The following SMU1 variants were observed in gnomAD, a reference collection of about 807,000 sequenced individuals.
SMU1 encodes the protein SMU1 DNA replication regulator and spliceosomal factor.
Under a neutral mutation model 62.0 loss-of-function variants are expected in SMU1, and 2 were observed. That is an observed-to-expected ratio of 0.03 (90% CI 0.01 to 0.10). The LOEUF (loss-of-function observed/expected upper bound fraction) is 0.10, where lower values mean the gene tolerates loss of function less well. Ranked by LOEUF, SMU1 falls within the 10% of genes least tolerant of loss-of-function variation. The pLI is 1.00. For missense variants in SMU1, 227 were observed against 622.1 expected (o/e 0.36, Z 6.76); for synonymous variants, 188 against 212.4 (o/e 0.89, Z 1.00).
rs550521438 is a variant in SMU1, at chr9:33,046,324, T to C, written c.*969A>G. The stretch of plus-strand genomic sequence containing the variant: ...AAGATGGAGACAATATTCCCTGGAG[T>C]TGACTGAACATGTGAGAAGGCACAG... On this transcript the variant is annotated 3_prime_UTR_variant, in exon 12 of 12. Transcript: ENST00000397149. 5.9e-5 allele frequency: 9 copies of C among 152,004 alleles called. No individual in the cohort carries two copies. The highest frequency in any genetic ancestry group is 2.2e-4 in the African/African-American group (9 of 41,460). The allele number at this position is 152,004 out of a possible 1,614,324, so 9.4% of individuals were successfully genotyped here.
At chr9:33,048,073 T>C (rs771394107) in intron 11 of SMU1, 33 bp downstream of exon 11, 12 of 1,603,226 alleles carry the variant, frequency 7.5e-6, no homozygotes, top group Non-Finnish European at 8.5e-6. Flanking sequence ...TCCTACCATA[T>C]TTCTTTAGAT....
intron 3 of SMU1, among the ~76,000 whole-genome samples, 185 bp downstream of exon 3, chr9:33,071,555 A>G (rs989457648): frequency 2.6e-5 from 4 of 152,178 alleles, no homozygotes; most frequent in Admixed American, 2.0e-4. Context: ...AGAAAACTGA[A>G]CAAAATTATT....
chr9:33,074,416 TAAG>T (rs1839519465), intron 1 of SMU1, among the ~76,000 whole-genome samples: 1 of 150,826 alleles, frequency 6.6e-6, no homozygotes, highest in African/African-American at 2.4e-5. Flanking sequence ...ATGGGCAACA[TAAG>T]AAGACCCCTT....
At chr9:33,048,306 CT>C (rs752210349) in intron 10 of SMU1, 48 bp from the exon 11 acceptor site, 8 of 1,606,530 alleles carry the variant, frequency 5.0e-6, no homozygotes, top group Non-Finnish European at 6.8e-6. Context: ...TTAGTAGCAG[CT>C]CAACCATGTG....
At chr9:33,057,569 A>C (rs756247654) in intron 7 of SMU1, 29 bp downstream of exon 7, 1 of 1,611,912 alleles carries the variant, frequency 6.2e-7, no homozygotes, top group Non-Finnish European at 8.5e-7. Context: ...AAATGTCTAC[A>C]TATGAGAGGC....
At chr9:33,058,691 C>T (rs1028790427) in intron 6 of SMU1, among the ~76,000 whole-genome samples, 20 of 151,990 alleles carry the variant, frequency 1.3e-4, no homozygotes, top group Admixed American at 3.3e-4. Context: ...TGGATCTATA[C>T]CAACTTTATC....
In SMU1 at chr9:33,045,712, G is replaced by T; in HGVS notation, c.*1581C>A. 6.6e-6 allele frequency: 1 copy of T among 152,468 alleles called. No homozygotes were observed. 9.4% of individuals were successfully genotyped at this position (152,468 alleles called of 1,614,324 possible). A position where few individuals can be genotyped will look rare whatever the true frequency, so the allele number is the denominator to read the frequency against. On this transcript the variant is annotated 3_prime_UTR_variant, in exon 12 of 12. Transcript: ENST00000397149. ...ATACAAAAATTAGCCAGGCATGCTG[G>T]CATGCGCCTGTAGTCCCAGCTACTT...
In SMU1 at chr9:33,047,256, T is replaced by A. The variant is rs144916740; in HGVS notation, c.*37A>T. 7.7e-4 allele frequency: 1,112 copies of A among 1,440,608 alleles called. 9 individuals are homozygous for A. In the African/African-American group the frequency reaches 0.014, roughly 18 times the overall value. The allele number at this position is 1,440,608 out of a possible 1,614,324, so 89.2% of individuals were successfully genotyped here. A position where few individuals can be genotyped will look rare whatever the true frequency, so the allele number is the denominator to read the frequency against. ...ATTACATGAATATGCTTCATTTAAG[T>A]ACATGCTTTCGAGCTGATTTAAAAA... is the stretch of plus-strand genomic sequence containing the variant. On this transcript the variant is annotated 3_prime_UTR_variant, in exon 12 of 12. Transcript: ENST00000397149.
chr9:33,048,548 A>G (rs574222944), intron 10 of SMU1, among the ~76,000 whole-genome samples: 50 of 152,312 alleles, frequency 3.3e-4, no homozygotes, highest in African/African-American at 1.2e-3. Context: ...TCATTGCCAT[A>G]CAAAAAACAA....
intron 6 of SMU1, among the ~76,000 whole-genome samples, chr9:33,059,022 T>G (rs921818551): frequency 2.0e-5 from 3 of 152,122 alleles, no homozygotes; most frequent in African/African-American, 7.2e-5. Flanking sequence ...AAAAAAAAAT[T>G]TGTGGCTTTT....
chr9:33,054,904 A>C (rs911007047), intron 9 of SMU1, among the ~76,000 whole-genome samples: 14 of 152,232 alleles, frequency 9.2e-5, no homozygotes, highest in African/African-American at 3.4e-4. Flanking sequence ...GGTCAGTGAC[A>C]CGCTTTGCCC....
At chr9:33,060,396 G>A (rs1170344901) in intron 6 of SMU1, 69 bp downstream of exon 6, 15 of 1,313,240 alleles carry the variant, frequency 1.1e-5, no homozygotes, top group Non-Finnish European at 1.6e-5. Flanking sequence ...TGATTTAGAG[G>A]CCATAGGTAA....
chr9:33,047,401 G>A lies in SMU1; in HGVS notation c.1444-10C>T, dbSNP rs187089326. The A allele has an allele frequency of 8.7e-4, 1,394 of 1,610,176 alleles. 10 individuals carry two copies. The African/African-American group carries it at 0.016, about 18-fold the overall frequency. ...CATCCTTCTCGTGCACCTGGAACAT[G>A]TAAAGCACAGGGTTAGGATGTACAG... On this transcript the variant is annotated splice_polypyrimidine_tract_variant and intron_variant, in intron 11 of 11. Transcript: ENST00000397149.
At chr9:33,062,538 CA>C (rs1439162329) in intron 4 of SMU1, among the ~76,000 whole-genome samples, 1 of 152,182 alleles carries the variant, frequency 6.6e-6, no homozygotes, top group Admixed American at 6.5e-5. Flanking sequence ...CTTCCCCCCC[CA>C]CATATGTGTT....
chr9:33,071,902 TAAAAA>T lies in SMU1; in HGVS notation c.238-15_238-11del, dbSNP rs749153008. On this transcript the variant is annotated splice_polypyrimidine_tract_variant and intron_variant, in intron 2 of 11. Transcript: ENST00000397149. ...TCAATTCCAGAACAACCTGGACAAT[TAAAAA>T]AAAACAAAAAAAACCCCAGATGTTT... 3.5e-5 allele frequency: 52 copies of T among 1,490,906 alleles called. No homozygotes were observed. The highest frequency in any genetic ancestry group is 4.6e-5 in the Non-Finnish European group (52 of 1,122,374). The allele number at this position is 1,490,906 out of a possible 1,614,324, so 92.4% of individuals were successfully genotyped here.
intron 7 of SMU1, 42 bp from the exon 8 acceptor site, chr9:33,057,006 A>C (rs1268263245): frequency 1.9e-6 from 3 of 1,587,064 alleles, no homozygotes; most frequent in Admixed American, 1.8e-5. Context: ...AACCTTGTTA[A>C]GTGTCCTACT....
intron 4 of SMU1, among the ~76,000 whole-genome samples, chr9:33,066,389 C>A (rs1470698165): frequency 6.6e-6 from 1 of 151,748 alleles, no homozygotes; most frequent in Non-Finnish European, 1.5e-5. Context: ...ACTCAGTACT[C>A]CCACAAAATG....
intron 3 of SMU1, among the ~76,000 whole-genome samples, chr9:33,071,207 G>C (rs534473356): frequency 6.6e-6 from 1 of 151,750 alleles, no homozygotes; most frequent in Admixed American, 6.6e-5. Context: ...TAAAAGGCTG[G>C]GGGGGTGGGC....
chr9:33,075,561 A>G (rs1335396721), intron 1 of SMU1, among the ~76,000 whole-genome samples: 2 of 152,218 alleles, frequency 1.3e-5, no homozygotes, highest in African/African-American at 4.8e-5. Context: ...CTCCTCAAAC[A>G]GCTCACATTT....
Sources: allele counts gnomAD v4.1 joint callset (sites outside exome capture counted in the v4.1 genomes callset), GRCh38; gene constraint gnomAD v4.1.1; transcripts MANE v1.5; gene names NCBI Gene and HGNC (gene_info 2026-07-23, HGNC 2026-07-21).